The following CAMKK2 variants were observed in gnomAD, a reference collection of about 807,000 sequenced individuals.
The protein encoded by CAMKK2 is calcium/calmodulin dependent protein kinase kinase 2, also known as calcium/calmodulin-dependent protein kinase kinase 2.
Under a neutral mutation model 67.2 loss-of-function variants are expected in CAMKK2, and 30 were observed. The ratio of observed to expected loss-of-function variants is 0.45; its 90% CI spans 0.33 to 0.61. The LOEUF is 0.61. Among genes scored for constraint, CAMKK2 ranks in the 20% least tolerant of loss-of-function variants. The pLI is 0.02. For synonymous variants in CAMKK2, 322 were observed against 326.2 expected, an observed-to-expected ratio of 0.99 and a Z score of 0.14; for missense variants, 643 against 802.0, an observed-to-expected ratio of 0.80 and a Z score of 2.39.
At chr12:121,255,857 C>T in intron 7 of CAMKK2, 53 bp from the exon 8 acceptor site, 1 of 1,556,378 alleles carries the variant, frequency 6.4e-7, no homozygotes, top group Non-Finnish European at 8.9e-7. Context: ...ACATCCATCT[C>T]TCTCTGTCCT....
rs1047160137 is a variant in CAMKK2 at position 121,253,746 on chromosome 12, G to A, written c.908-274C>T. On this transcript the variant is annotated intron_variant, in intron 9 of 16. Transcript: ENST00000404169. The surrounding 1 kb of genome is among the most constrained non-coding windows in gnomAD (Gnocchi z 5.0). ...CATAAAACACTGCCAATAGCAATTC[G>A]TAATCGCCTGTTATTTATTAAGTCA... 6.6e-6 allele frequency among the ~76,000 whole-genome samples: 1 copy of A among 152,136 alleles called. No homozygotes were observed. The highest frequency in any genetic ancestry group is 1.5e-5 in the Non-Finnish European group (1 of 68,032).
intron 7 of CAMKK2, among the ~76,000 whole-genome samples, chr12:121,257,618 A>C (rs372613272): frequency 6.6e-6 from 1 of 152,184 alleles, no homozygotes. Flanking sequence ...CTACTCAGAC[A>C]AAAAGAAGGC....
intron 11 of CAMKK2, among the ~76,000 whole-genome samples, chr12:121,250,481 C>T (rs992996130): frequency 6.6e-6 from 1 of 152,172 alleles, no homozygotes; most frequent in African/African-American, 2.4e-5. Context: ...TCACTGTTCC[C>T]CGTCCCTGGA....
rs755617513 is a variant in CAMKK2 at position 121,252,679 on chromosome 12, G to A, written c.1143C>T (p.Tyr381=). 45 of 1,614,240 alleles carry A rather than the reference G, an allele frequency of 2.8e-5. No individual in the cohort carries two copies. The highest frequency in any genetic ancestry group is 3.8e-5 in the Non-Finnish European group (45 of 1,180,028). The change falls in exon 11 of 17, where the codon TAC becomes TAT. Residue 381 remains tyrosine (Y), a synonymous_variant. Transcript: ENST00000404169. ...CTCTTACCTGGCCAAAGACAAAGCA[G>A]TATAGTGTCACACCCATGGCCCAAA... ...LDVWAMGVTL[Y]CFVFGQCPFM... is the part of the protein sequence containing the mutation.
chr12:121,290,685 A>T (rs1302852302), intron 1 of CAMKK2, among the ~76,000 whole-genome samples: 1 of 152,210 alleles, frequency 6.6e-6, no homozygotes, highest in African/African-American at 2.4e-5. Flanking sequence ...GTGAGATCCC[A>T]TCTCAAAACA....
rs930021011 is a variant in CAMKK2, at chr12:121,253,743, T to C, written c.908-271A>G. Among the ~76,000 whole-genome samples the C allele has an allele frequency of 6.2e-4, 95 of 152,164 alleles. No homozygotes were observed. The highest frequency in any genetic ancestry group is 2.2e-3 in the African/African-American group (93 of 41,440). ...ACACATAAAACACTGCCAATAGCAA[T>C]TCGTAATCGCCTGTTATTTATTAAG... On this transcript the variant is annotated intron_variant, in intron 9 of 16. Coordinates refer to ENST00000404169, the MANE Select transcript of CAMKK2 (RefSeq NM_001270485.2). This position sits in a 1 kb window ranked among gnomAD's most constrained non-coding sequence, Gnocchi z 5.0.
intron 11 of CAMKK2, among the ~76,000 whole-genome samples, chr12:121,250,814 G>T (rs957561975): frequency 6.6e-6 from 1 of 152,194 alleles, no homozygotes. Flanking sequence ...TGAATTAATG[G>T]ATACTTGAAT....
Position 121,240,524 on chromosome 12 carries a change from CTTTTT to C in CAMKK2, c.*170_*174del. 6.8e-7 allele frequency: 1 copy of C among 1,471,432 alleles called. No homozygotes were observed. The highest frequency in any genetic ancestry group is 9.1e-7 in the Non-Finnish European group (1 of 1,101,664). 91.1% of individuals were successfully genotyped at this position (1,471,432 alleles called of 1,614,324 possible). On this transcript the variant is annotated 3_prime_UTR_variant, in exon 17 of 17. Coordinates refer to ENST00000404169, the MANE Select transcript of CAMKK2 (RefSeq NM_001270485.2). The surrounding 1 kb of genome is among the most constrained non-coding windows in gnomAD (Gnocchi z 4.4). ...ACGGTCGACGTCATGGAGTCAAGTC[CTTTTT>C]TTTTTTTTGTCCCCTTTAAAACAAC...
intron 2 of CAMKK2, 42 bp from the exon 3 acceptor site, chr12:121,270,987 T>C (rs1483922580): frequency 3.2e-6 from 5 of 1,572,386 alleles, no homozygotes; most frequent in Non-Finnish European, 4.4e-6. Context: ...AATTTTAAGT[T>C]TGCAACTAGA....
intron 1 of CAMKK2, among the ~76,000 whole-genome samples, chr12:121,291,528 C>CAT (rs1228300699): frequency 6.6e-6 from 1 of 152,210 alleles, no homozygotes; most frequent in Non-Finnish European, 1.5e-5. Flanking sequence ...ACACAAAAGT[C>CAT]ATATATTACA....
intron 5 of CAMKK2, among the ~76,000 whole-genome samples, chr12:121,267,319 G>A (rs185751506): frequency 6.0e-5 from 9 of 150,548 alleles, no homozygotes; most frequent in Admixed American, 4.0e-4. Flanking sequence ...TCACCATATT[G>A]GCCAGAATGA....
Position 121,245,125 on chromosome 12 carries a change from C to A in CAMKK2, c.1553+15G>T, listed in dbSNP as rs1357713679. On this transcript the variant is annotated intron_variant, in intron 15 of 16. Transcript: ENST00000404169. This position sits in a 1 kb window ranked among gnomAD's most constrained non-coding sequence, Gnocchi z 5.8. ...GCCACCACTCCCCCACCCAAGAAGGCAGGCGGCCACTCACGTGAGCAAGTT... is the reference window on the plus strand; with the variant it reads ...GCCACCACTCCCCCACCCAAGAAGGAAGGCGGCCACTCACGTGAGCAAGTT... The A allele has an allele frequency of 6.4e-7, 1 of 1,563,386 alleles. No homozygotes were observed. The highest frequency in any genetic ancestry group is 1.8e-5 in the Admixed American group (1 of 55,286).
chr12:121,246,420 C>T (rs1048415598), intron 14 of CAMKK2, among the ~76,000 whole-genome samples: 2 of 151,952 alleles, frequency 1.3e-5, no homozygotes, highest in African/African-American at 4.8e-5. Context: ...GTGGTAGGCA[C>T]CTGTCATCCC....
intron 13 of CAMKK2, among the ~76,000 whole-genome samples, chr12:121,249,178 G>T (rs934412740): frequency 2.6e-5 from 4 of 152,228 alleles, no homozygotes; most frequent in Non-Finnish European, 5.9e-5. Context: ...CCAGGCAGGG[G>T]TCTGCCCCCT....
chr12:121,284,264 G>C (rs56096536), intron 1 of CAMKK2, among the ~76,000 whole-genome samples: 1 of 152,234 alleles, frequency 6.6e-6, no homozygotes, highest in Non-Finnish European at 1.5e-5. Flanking sequence ...AAGTCACGCA[G>C]TGGTTCTAGG....
intron 2 of CAMKK2, among the ~76,000 whole-genome samples, chr12:121,271,906 C>T (rs1895851762): frequency 6.6e-6 from 1 of 152,180 alleles, no homozygotes; most frequent in Non-Finnish European, 1.5e-5. Flanking sequence ...GATGGGGTTT[C>T]TCCATGTTGG....
At chr12:121,260,593 C>CAGAA (rs10693625) in intron 6 of CAMKK2, 55,871 of 548,722 alleles carry the variant, frequency 0.1, 4,008 homozygotes, top group African/African-American at 0.28. Flanking sequence ...TCTGAACACT[C>CAGAA]AGGAGGTCGC....
rs201468574 is a variant in CAMKK2 at position 121,239,736 on chromosome 12, G to A, written c.*963C>T. ...TATACAGGCGGGCATAGGTTTCATC[G>A]GCTCTAACTGATCACATGCCTGAAG... is the stretch of plus-strand genomic sequence containing the variant. On this transcript the variant is annotated 3_prime_UTR_variant, in exon 17 of 17. Coordinates refer to ENST00000404169, the MANE Select transcript of CAMKK2 (RefSeq NM_001270485.2). 1.3e-5 allele frequency: 2 copies of A among 152,140 alleles called. No homozygotes were observed. Among genetic ancestry groups the A allele is most frequent in the Non-Finnish European group, 2.9e-5 (2 of 68,038 alleles). The allele number at this position is 152,140 out of a possible 1,614,324, so 9.4% of individuals were successfully genotyped here. A position where few individuals can be genotyped will look rare whatever the true frequency, so the allele number is the denominator to read the frequency against.
rs1049242593 is a variant in CAMKK2, at chr12:121,253,842, T to C, written c.908-370A>G. Among the ~76,000 whole-genome samples the C allele has an allele frequency of 7.9e-5, 12 of 152,200 alleles. No individual in the cohort carries two copies. The highest frequency in any genetic ancestry group is 2.2e-4 in the African/African-American group (9 of 41,440). On this transcript the variant is annotated intron_variant, in intron 9 of 16. Coordinates refer to ENST00000404169, the MANE Select transcript of CAMKK2 (RefSeq NM_001270485.2). This position sits in a 1 kb window ranked among gnomAD's most constrained non-coding sequence, Gnocchi z 5.0. Reference sequence around the variant, plus strand: ...TAGTTGTGAAACTGACAGTGAAACATAGTTTCATTTACCAACAGCCAATAC... The same window carrying C: ...TAGTTGTGAAACTGACAGTGAAACACAGTTTCATTTACCAACAGCCAATAC...
Sources: gnomAD v4.1 joint callset for allele counts (sites outside exome capture counted in the v4.1 genomes callset) on GRCh38, gnomAD v4.1.1 for gene constraint, Gnocchi (gnomAD v3.1) non-coding constraint, MANE v1.5 for transcripts, NCBI Gene and HGNC (gene_info 2026-07-23, HGNC 2026-07-21) for gene names.